Variants in RB1CC1 observed in about 807,000 individuals in gnomAD.
RB1CC1 encodes RB1 inducible coiled-coil 1, also known as RB1-inducible coiled-coil protein 1.
Under a neutral mutation model 177.5 loss-of-function variants are expected in RB1CC1, and 46 were observed. The ratio of observed to expected loss-of-function variants is 0.26; its 90% CI spans 0.20 to 0.33. The LOEUF is 0.33. Ranked by LOEUF, RB1CC1 falls within the 10% of genes least tolerant of loss-of-function variation. The pLI, the probability that RB1CC1 is intolerant of heterozygous loss-of-function variation, is 1.00. For missense variants in RB1CC1, 1,703 were observed against 1,816.3 expected (o/e 0.94, Z 1.13); for synonymous variants, 666 against 613.6 (o/e 1.09, Z -1.26).
intron 1 of RB1CC1, among the ~76,000 whole-genome samples, chr8:52,692,973 A>G (rs997531651): frequency 6.6e-6 from 1 of 152,196 alleles, no homozygotes; most frequent in Non-Finnish European, 1.5e-5. Flanking sequence ...GGTGATCTTC[A>G]CCTACAACCA....
At chr8:52,705,401 GTAC>G (rs1398898332) in intron 1 of RB1CC1, among the ~76,000 whole-genome samples, 1 of 152,058 alleles carries the variant, frequency 6.6e-6, no homozygotes, top group East Asian at 1.9e-4. Context: ...CATCAACAAG[GTAC>G]TACTTTTTAC....
At chr8:52,655,908 A>G (rs751901337) in intron 15 of RB1CC1, 100 bp downstream of exon 15, 1 of 968,326 alleles carries the variant, frequency 1.0e-6, no homozygotes, top group East Asian at 2.6e-5. Flanking sequence ...TAGTTGCTAC[A>G]TTTACCCAAG....
rs186324304 is a variant in RB1CC1 at position 52,640,440 on chromosome 8, C to T, written c.4337+1911G>A. 1.4e-3 allele frequency among the ~76,000 whole-genome samples: 211 copies of T among 152,306 alleles called. 2 individuals carry two copies. Among genetic ancestry groups the T allele is most frequent in the Non-Finnish European group, 2.1e-4 (14 of 68,016 alleles). ...GATGGATTACTCTAATTTGAATGTA[C>T]ACATGTAACTACATCACACTGTAAA... On this transcript the variant is annotated intron_variant, in intron 18 of 23. Coordinates refer to ENST00000025008, the MANE Select transcript of RB1CC1 (RefSeq NM_014781.5).
At chr8:52,683,765 A>C (rs1419331342) in intron 4 of RB1CC1, 46 bp from the exon 5 acceptor site, 1 of 1,560,546 alleles carries the variant, frequency 6.4e-7, no homozygotes. Flanking sequence ...AAATGTTATA[A>C]ATACTGAGCG....
intron 1 of RB1CC1, among the ~76,000 whole-genome samples, chr8:52,689,361 T>C (rs1371856263): frequency 1.3e-5 from 2 of 152,162 alleles, no homozygotes; most frequent in Non-Finnish European, 2.9e-5. Context: ...CCTATTTCTA[T>C]CCCTACTGCC....
intron 21 of RB1CC1, among the ~76,000 whole-genome samples, chr8:52,629,404 A>T (rs1395977728): frequency 6.6e-6 from 1 of 152,222 alleles, no homozygotes; most frequent in Non-Finnish European, 1.5e-5. Flanking sequence ...ACAGTGCAGG[A>T]AAATTATTAA....
chr8:52,660,754 A>G (rs1387659089), intron 11 of RB1CC1, 97 bp from the exon 12 acceptor site: 1 of 1,232,464 alleles, frequency 8.1e-7, no homozygotes, highest in Non-Finnish European at 1.1e-6. Flanking sequence ...AGTTGACAGT[A>G]CTTCAAGTTT....
intron 12 of RB1CC1, among the ~76,000 whole-genome samples, chr8:52,660,334 C>A (rs1034878411): frequency 6.6e-6 from 1 of 152,020 alleles, no homozygotes; most frequent in African/African-American, 2.4e-5. Flanking sequence ...AACAAAAAAA[C>A]CAAGTGAATC....
At chr8:52,688,631 C>A (rs960747987) in intron 1 of RB1CC1, among the ~76,000 whole-genome samples, 13 of 152,140 alleles carry the variant, frequency 8.5e-5, no homozygotes, top group African/African-American at 3.1e-4. Flanking sequence ...TGTCTTTTGT[C>A]CTGTTCCCTC....
At chr8:52,709,345 T>C (rs771193721) in intron 1 of RB1CC1, among the ~76,000 whole-genome samples, 1 of 152,184 alleles carries the variant, frequency 6.6e-6, no homozygotes, top group African/African-American at 2.4e-5. Flanking sequence ...TTAAAATCTA[T>C]CCAACTTATC....
rs763952013 is a variant in RB1CC1, at chr8:52,624,830, A to G, written c.4637-43T>C. 3 of 1,318,170 alleles carry G rather than the reference A, an allele frequency of 2.3e-6. No homozygotes were observed. In the African/African-American group the frequency reaches 4.6e-5, roughly 20 times the overall value. The allele number at this position is 1,318,170 out of a possible 1,614,324, so 81.7% of individuals were successfully genotyped here. A position where few individuals can be genotyped will look rare whatever the true frequency, so the allele number is the denominator to read the frequency against. On this transcript the variant is annotated intron_variant, in intron 22 of 23. Transcript: ENST00000025008. ...TTAATCTCTTTTTGAAAGTATGATT[A>G]TAATTATTCATGGAAACATAACTGC...
Position 52,634,914 on chromosome 8 carries a change from A to C in RB1CC1, c.4440+7T>G. 1 of 1,593,370 alleles carries C rather than the reference A, an allele frequency of 6.3e-7. No homozygotes were observed. Among genetic ancestry groups the C allele is most frequent in the Non-Finnish European group, 8.6e-7 (1 of 1,166,506 alleles). ...TAAGACCAATTTACCAAGAAGAAAAATCTTACCAGTCTTTGATTTAACCGT... is the reference window on the plus strand; with the variant it reads ...TAAGACCAATTTACCAAGAAGAAAACTCTTACCAGTCTTTGATTTAACCGT... On this transcript the variant is annotated splice_region_variant and intron_variant, in intron 20 of 23. Transcript: ENST00000025008.
At chr8:52,651,821 G>T (rs1052358125) in intron 15 of RB1CC1, among the ~76,000 whole-genome samples, 1 of 152,146 alleles carries the variant, frequency 6.6e-6, no homozygotes, top group Non-Finnish European at 1.5e-5. Context: ...CCGTGAACTC[G>T]TGTTTTCCAA....
At chr8:52,627,897 T>G in intron 22 of RB1CC1, 135 bp downstream of exon 22, 1 of 713,104 alleles carries the variant, frequency 1.4e-6, no homozygotes. Context: ...AATACAGATT[T>G]TATAAAAAAG....
chr8:52,699,481 C>T (rs1855790234), intron 1 of RB1CC1, among the ~76,000 whole-genome samples: 2 of 151,738 alleles, frequency 1.3e-5, no homozygotes, highest in Admixed American at 1.3e-4. Flanking sequence ...TCTTCTATTG[C>T]CTATCTTTCT....
intron 5 of RB1CC1, among the ~76,000 whole-genome samples, chr8:52,683,276 G>A (rs1853936286): frequency 6.6e-6 from 1 of 151,986 alleles, no homozygotes; most frequent in African/African-American, 2.4e-5. Flanking sequence ...ATTAATTAAT[G>A]TTCAAAAGTA....
At chr8:52,677,785 T>C (rs1042006812) in intron 5 of RB1CC1, among the ~76,000 whole-genome samples, 1 of 151,932 alleles carries the variant, frequency 6.6e-6, no homozygotes, top group East Asian at 1.9e-4. Flanking sequence ...GCCACTAAAA[T>C]AGAGTGGGGA....
chr8:52,642,561 G>A lies in RB1CC1; in HGVS notation c.4127C>T (p.Ala1376Val), dbSNP rs1325018495. Reference sequence around the variant, plus strand: ...CTTTTTCTTTTCCTCAAGCAAACGAGCTCGATCTTCAGAAAGTGACTCTAT... The same window carrying A: ...CTTTTTCTTTTCCTCAAGCAAACGAACTCGATCTTCAGAAAGTGACTCTAT... ...DLIESLSEDR[A>V]RLLEEKKKLE... The change falls in exon 18 of 24, where the codon GCT becomes GTT. Residue 1376 changes from alanine to valine, a missense_variant. Transcript: ENST00000025008. The A allele has an allele frequency of 1.2e-6, 2 of 1,613,846 alleles. No individual in the cohort carries two copies. The highest frequency in any genetic ancestry group is 2.2e-5 in the East Asian group (1 of 44,810).
chr8:52,673,740 T>C, intron 7 of RB1CC1, 105 bp downstream of exon 7: 1 of 1,086,714 alleles, frequency 9.2e-7, no homozygotes, highest in Non-Finnish European at 1.3e-6. Context: ...GACTCATTTA[T>C]TTCTACTAAA....
Sources: gnomAD v4.1 joint callset for allele counts (sites outside exome capture counted in the v4.1 genomes callset) on GRCh38, gnomAD v4.1.1 for gene constraint, MANE v1.5 for transcripts, NCBI Gene and HGNC (gene_info 2026-07-23, HGNC 2026-07-21) for gene names.